The following ENTREP2 variants were observed in gnomAD, a reference collection of about 807,000 sequenced individuals.
ENTREP2 encodes the protein endosomal transmembrane epsin interactor 2.
the ENTREP2 span, among the ~76,000 whole-genome samples, chr15:29,219,614 A>AATAAATAT: frequency 2.6e-5 from 1 of 38,402 alleles, no homozygotes; most frequent in African/African-American, 7.6e-5. Context: ...GTGGTGCATA[A>AATAAATAT]ATATATATAT....
chr15:29,335,999 G>A, the ENTREP2 span, among the ~76,000 whole-genome samples: 8 of 151,938 alleles, frequency 5.3e-5, no homozygotes, highest in African/African-American at 1.2e-4. Flanking sequence ...AAAATTAGCC[G>A]GGCCTGGTGT....
At chr15:29,568,710 C>CAA in the ENTREP2 span, among the ~76,000 whole-genome samples, 1,711 of 127,714 alleles carry the variant, frequency 0.013, 45 homozygotes, top group Non-Finnish European at 0.018. Context: ...CCTCTTAAGG[C>CAA]AAAAAAAAAA....
At chr15:29,262,028 G>A in the ENTREP2 span, among the ~76,000 whole-genome samples, 1 of 138,956 alleles carries the variant, frequency 7.2e-6, no homozygotes, top group Non-Finnish European at 1.5e-5. Flanking sequence ...TACAACAAAA[G>A]TTTCTTGAAA....
the ENTREP2 span, among the ~76,000 whole-genome samples, chr15:29,508,156 G>A: frequency 6.6e-6 from 1 of 152,138 alleles, no homozygotes; most frequent in Non-Finnish European, 1.5e-5. Context: ...TAGAGGAAAT[G>A]GATAAATTCC....
At chr15:29,656,505 G>A in the ENTREP2 span, among the ~76,000 whole-genome samples, 1 of 152,170 alleles carries the variant, frequency 6.6e-6, no homozygotes, top group Non-Finnish European at 1.5e-5. Flanking sequence ...ACAATTACAG[G>A]CGTGGGCCAC....
At chr15:29,220,936 T>C in the ENTREP2 span, among the ~76,000 whole-genome samples, 1 of 152,176 alleles carries the variant, frequency 6.6e-6, no homozygotes, top group Non-Finnish European at 1.5e-5. Flanking sequence ...GTTCAAATTA[T>C]TTGTGAAATA....
At chr15:29,401,467 G>A in the ENTREP2 span, among the ~76,000 whole-genome samples, 4 of 152,040 alleles carry the variant, frequency 2.6e-5, no homozygotes, top group South Asian at 2.1e-4. Flanking sequence ...TTTTTTCAAC[G>A]AGACTGGAAA....
the ENTREP2 span, among the ~76,000 whole-genome samples, chr15:29,539,575 T>C: frequency 6.6e-6 from 1 of 151,978 alleles, no homozygotes; most frequent in Non-Finnish European, 1.5e-5. Flanking sequence ...ACTGGGCAAA[T>C]TACCAGTCCC....
At chr15:29,130,882 T>A in the ENTREP2 span, among the ~76,000 whole-genome samples, 1 of 152,330 alleles carries the variant, frequency 6.6e-6, no homozygotes, top group South Asian at 2.1e-4. Context: ...ATTTGTGGCA[T>A]AGAATTTAAG....
the ENTREP2 span, among the ~76,000 whole-genome samples, chr15:29,140,010 C>T: frequency 6.1e-3 from 929 of 152,328 alleles, 5 homozygotes; most frequent in African/African-American, 0.021. Flanking sequence ...GGCACCTGGC[C>T]GGCCTGCGGG....
At chr15:29,189,045 C>G in the ENTREP2 span, among the ~76,000 whole-genome samples, 5 of 152,214 alleles carry the variant, frequency 3.3e-5, no homozygotes, top group Admixed American at 1.3e-4. Context: ...GCCTCATATC[C>G]TTTATAATCA....
the ENTREP2 span, among the ~76,000 whole-genome samples, chr15:29,436,286 G>A: frequency 0.42 from 63,284 of 151,990 alleles, 13,448 homozygotes; most frequent in African/African-American, 0.5. Context: ...ATTAGGTCTC[G>A]TCTACCTGCA....
chr15:29,164,575 G>C, the ENTREP2 span, among the ~76,000 whole-genome samples: 1 of 152,294 alleles, frequency 6.6e-6, no homozygotes, highest in South Asian at 2.1e-4. Context: ...AGTTAAAAGA[G>C]ACAAAGTGGG....
the ENTREP2 span, among the ~76,000 whole-genome samples, chr15:29,385,037 G>A: frequency 1.3e-5 from 2 of 152,090 alleles, no homozygotes; most frequent in African/African-American, 4.8e-5. Context: ...CACTCACGAA[G>A]AGCCTAGGAA....
the ENTREP2 span, among the ~76,000 whole-genome samples, chr15:29,240,138 G>A: frequency 6.6e-6 from 1 of 152,146 alleles, no homozygotes; most frequent in African/African-American, 2.4e-5. Context: ...CGAGGCGGGC[G>A]GATCACCTGA....
the ENTREP2 span, among the ~76,000 whole-genome samples, chr15:29,224,243 C>T: frequency 0.33 from 49,144 of 150,132 alleles, 9,920 homozygotes; most frequent in East Asian, 0.6. Flanking sequence ...CCGGTGGGTT[C>T]GTGGTCTCAC....
At chr15:29,453,871 A>T in the ENTREP2 span, among the ~76,000 whole-genome samples, 1 of 152,248 alleles carries the variant, frequency 6.6e-6, no homozygotes, top group Non-Finnish European at 1.5e-5. Context: ...GGAATGACAT[A>T]GTATAACCAC....
chr15:29,453,527 G>C, the ENTREP2 span, among the ~76,000 whole-genome samples: 1 of 152,212 alleles, frequency 6.6e-6, no homozygotes, highest in South Asian at 2.1e-4. Flanking sequence ...ACAGAGCATA[G>C]ACACCCCCAC....
At chr15:29,507,529 C>T in the ENTREP2 span, among the ~76,000 whole-genome samples, 19 of 152,054 alleles carry the variant, frequency 1.2e-4, no homozygotes, top group African/African-American at 4.6e-4. Context: ...TCAGCAAATG[C>T]CAAAGAACAG....
Sources: gnomAD v4.1 joint callset for allele counts (sites outside exome capture counted in the v4.1 genomes callset) on GRCh38, gnomAD v4.1.1 for gene constraint, MANE v1.5 for transcripts, NCBI Gene and HGNC (gene_info 2026-07-23, HGNC 2026-07-21) for gene names.